The following RPAP1 variants were observed in gnomAD, a reference collection of about 807,000 sequenced individuals.
RPAP1 encodes RNA polymerase II-associated protein 1.
RPAP1 carries 109 observed loss-of-function variants against 142.4 expected under a neutral mutation model. The observed-to-expected ratio is 0.77, with a 90% CI of 0.66 to 0.90. The LOEUF (loss-of-function observed/expected upper bound fraction) is 0.90, where lower values mean the gene tolerates loss of function less well. RPAP1 is among the 40% of genes least tolerant of loss of function. The pLI is 0.00. For synonymous variants in RPAP1, 704 were observed against 738.9 expected (o/e 0.95, Z 0.77); for missense variants, 1,546 against 1,751.7 (o/e 0.88, Z 2.10).
chr15:41,541,510 T>C (rs2140794390), intron 1 of RPAP1, among the ~76,000 whole-genome samples: 1 of 149,102 alleles, frequency 6.7e-6, no homozygotes, highest in East Asian at 2.0e-4. Context: ...TGAAGGAGGA[T>C]GAGATGGAGA....
chr15:41,542,647 T>A (rs2051981146), intron 1 of RPAP1, among the ~76,000 whole-genome samples: 1 of 152,234 alleles, frequency 6.6e-6, no homozygotes, highest in Non-Finnish European at 1.5e-5. Context: ...CTCTGCCATT[T>A]ACTAACTGTG....
At chr15:41,528,408 C>T (rs1380511369) in intron 9 of RPAP1, 72 bp from the exon 10 acceptor site, 1 of 1,036,104 alleles carries the variant, frequency 9.7e-7, no homozygotes, top group East Asian at 2.6e-5. Context: ...AGCAAGGTAT[C>T]ACAGGAAAGA....
chr15:41,525,224 T>C (rs1361482279), intron 14 of RPAP1, 76 bp from the exon 15 acceptor site: 16 of 1,378,644 alleles, frequency 1.2e-5, no homozygotes, highest in Non-Finnish European at 1.6e-5. Flanking sequence ...GGACAGAGAG[T>C]GGCTTAACTC....
Position 41,529,457 on chromosome 15 carries a change from TC to T in RPAP1, c.1158+12del. The T allele has an allele frequency of 6.3e-7, 1 of 1,587,428 alleles. No individual in the cohort carries two copies. Among genetic ancestry groups the T allele is most frequent in the Non-Finnish European group, 8.6e-7 (1 of 1,158,098 alleles). ...AAAAGAGCTGCCCCATCCTCTCCAG[TC>T]CCATGCCTCACCTCTGCCTCCTCTC... On this transcript the variant is annotated intron_variant, in intron 9 of 24. Transcript: ENST00000304330.
At chr15:41,542,552 T>C (rs958807127) in intron 1 of RPAP1, among the ~76,000 whole-genome samples, 2 of 152,242 alleles carry the variant, frequency 1.3e-5, no homozygotes, top group Admixed American at 6.5e-5. Context: ...ATTTGTAGCA[T>C]GACAACAGCG....
At chr15:41,534,583 CA>C (rs764568682) in intron 6 of RPAP1, 130 bp downstream of exon 6, 27,932 of 178,324 alleles carry the variant, frequency 0.16, 1 homozygote, top group South Asian at 0.19. Context: ...AAGACCATCT[CA>C]AAAAAAAAAA....
Position 41,520,717 on chromosome 15 carries a change from C to T in RPAP1, c.3469G>A (p.Ala1157Thr). 1 of 1,614,026 alleles carries T rather than the reference C, an allele frequency of 6.2e-7. No homozygotes were observed. Among genetic ancestry groups the T allele is most frequent in the Non-Finnish European group, 8.5e-7 (1 of 1,180,018 alleles). ...LWAVPPAARLARLMCVFLVDS... is the reference protein window; with the variant it reads ...LWAVPPAARLTRLMCVFLVDS... The stretch of plus-strand genomic sequence containing the variant: ...ACCAGGAACACACACATGAGCCGTG[C>T]CAGGCGGGCAGCAGGGGGCACAGCC... Residue 1157 changes from alanine (A) to threonine (T), a missense_variant, in exon 22 of 25, where the codon GCA (alanine) becomes ACA (threonine). Ala to Thr is a moderately conservative substitution (Grantham distance 58). Coordinates refer to ENST00000304330, the MANE Select transcript of RPAP1 (RefSeq NM_015540.4).
chr15:41,527,322 C>T, intron 12 of RPAP1, 21 bp from the exon 13 acceptor site: 1 of 1,613,968 alleles, frequency 6.2e-7, no homozygotes, highest in Middle Eastern at 1.7e-4. Context: ...GAGAGAGAAA[C>T]CCACTGACAA....
chr15:41,522,352 G>GC, intron 19 of RPAP1, 102 bp from the exon 20 acceptor site: 1 of 1,144,386 alleles, frequency 8.7e-7, no homozygotes, highest in Non-Finnish European at 1.2e-6. Flanking sequence ...ATGAGTGCCA[G>GC]CAGAAGGCCT....
In RPAP1 at chr15:41,522,853, G is replaced by C. The variant is rs199573272; in HGVS notation, c.2654C>G (p.Ala885Gly). ...GAATGGGAAGGGTGAGGCTGAGCCA[G>C]CCAGACTGAGACGGGGGCAGCCTCC... Reference protein sequence around the residue: ...CSGGCPRLSLAGSASPFPFLT... With the variant: ...CSGGCPRLSLGGSASPFPFLT... The change falls in exon 19 of 25, where the codon GCT becomes GGT. Residue 885 changes from alanine to glycine, a missense_variant. Ala to Gly is a moderately conservative substitution (Grantham distance 60). This residue lies in a region of RPAP1 where 1,333 missense variants were observed against 1,486.6 expected (regional missense o/e 0.90). Coordinates refer to ENST00000304330, the MANE Select transcript of RPAP1 (RefSeq NM_015540.4). The C allele has an allele frequency of 5.1e-6, 8 of 1,583,690 alleles. No individual in the cohort carries two copies. In the African/African-American group the frequency reaches 9.6e-5, roughly 19 times the overall value.
chr15:41,528,517 G>A lies in RPAP1; in HGVS notation c.1159-181C>T, dbSNP rs1276441905. On this transcript the variant is annotated intron_variant, in intron 9 of 24. Coordinates refer to ENST00000304330, the MANE Select transcript of RPAP1 (RefSeq NM_015540.4). ...GTAACCATGCCATGAGGCAGATGCA[G>A]AGGAACGTGATAACTGATGTTTAAT... Among the ~76,000 whole-genome samples, 4 of 152,336 alleles carry A rather than the reference G, an allele frequency of 2.6e-5. No homozygotes were observed. The East Asian group carries it at 7.7e-4, about 29-fold the overall frequency.
In RPAP1 at chr15:41,520,656, T is replaced by C. The variant is rs765586157; in HGVS notation, c.3530A>G (p.His1177Arg). The C allele has an allele frequency of 4.3e-6, 7 of 1,614,144 alleles. No individual in the cohort carries two copies. Among genetic ancestry groups the C allele is most frequent in the South Asian group, 1.1e-5 (1 of 91,080 alleles). The change falls in exon 22 of 25, where the codon CAT becomes CGT. Residue 1177 changes from histidine to arginine, a missense_variant. Physicochemically the swap from His to Arg is conservative, Grantham distance 29. Around this residue, in one of 3 missense-constraint regions of RPAP1, gnomAD observed 1,333 missense variants for 1,486.6 expected, o/e 0.90. Coordinates refer to ENST00000304330, the MANE Select transcript of RPAP1 (RefSeq NM_015540.4). ...CTGGGCGAGGAGGGCTGCCACCAGA[T>C]GCTGTACTGGGGACTCCCGGAACAG... is the stretch of plus-strand genomic sequence containing the variant. ...SELFRESPVQ[H>R]LVAALLAQLC...
rs765364788 is a variant in RPAP1, at chr15:41,521,030, G to T, written c.3156C>A (p.Leu1052=). 1 of 1,599,472 alleles carries T rather than the reference G, an allele frequency of 6.3e-7. No homozygotes were observed. The highest frequency in any genetic ancestry group is 1.1e-5 in the South Asian group (1 of 87,754). Residue 1052 remains leucine, a synonymous_variant, in exon 22 of 25, where the codon CTC becomes CTA. Coordinates refer to ENST00000304330, the MANE Select transcript of RPAP1 (RefSeq NM_015540.4). ...TCAGGTAGCAGTTGCGGATGCTGGG[G>T]AGGTCCTGGCAGGCCTGAGCCAGCA... The part of the protein sequence containing the change: ...GTLLAQACQD[L]PSIRNCYLTH...
intron 7 of RPAP1, among the ~76,000 whole-genome samples, chr15:41,530,782 C>A (rs560941609): frequency 9.8e-5 from 15 of 152,290 alleles, no homozygotes; most frequent in African/African-American, 3.6e-4. Flanking sequence ...AGCCATCACG[C>A]ATTGCTGCCT....
At position 41,521,609 on chromosome 15, in the gene RPAP1, G is replaced by C. The variant is rs1308486489; in HGVS notation, c.3038+129C>G. 2.9e-6 allele frequency: 3 copies of C among 1,034,510 alleles called. No homozygotes were observed. The East Asian group carries it at 7.9e-5, about 27-fold the overall frequency. 64.1% of individuals were successfully genotyped at this position (1,034,510 alleles called of 1,614,324 possible). On this transcript the variant is annotated intron_variant, in intron 21 of 24. Coordinates refer to ENST00000304330, the MANE Select transcript of RPAP1 (RefSeq NM_015540.4). ...TTCACTAATGAGGTAATGGAAGCTC[G>C]GAAGAGTTAAGTGTCGTCGGTGGAA... is the stretch of plus-strand genomic sequence containing the variant.
intron 3 of RPAP1, 104 bp downstream of exon 3, chr15:41,536,397 A>G: frequency 6.7e-7 from 1 of 1,481,950 alleles, no homozygotes; most frequent in Non-Finnish European, 9.3e-7. Flanking sequence ...GTAAAAGTCT[A>G]CCTTTCTGAA....
Position 41,517,622 on chromosome 15 carries a change from A to G in RPAP1, c.4102T>C (p.Ser1368Pro). The change falls in exon 25 of 25, where the codon TCT becomes CCT. Residue 1368 changes from serine to proline, a missense_variant. Ser to Pro is a moderately conservative substitution (Grantham distance 74). Transcript: ENST00000304330. ...TGCTGACGCAGAGGGGGCAACTGAG[A>G]ATAGAGCTCAAAGCCCTCTGGGAGC... ...STLPEGFELY[S>P]QLPPLRQHYL... The G allele has an allele frequency of 6.2e-7, 1 of 1,612,282 alleles. No homozygotes were observed. The highest frequency in any genetic ancestry group is 8.5e-7 in the Non-Finnish European group (1 of 1,179,006).
intron 18 of RPAP1, 76 bp downstream of exon 18, chr15:41,523,169 G>T: frequency 8.8e-7 from 1 of 1,138,820 alleles, no homozygotes; most frequent in Non-Finnish European, 1.3e-6. Context: ...GGACCTGGGA[G>T]CTGGACCCAG....
At chr15:41,542,564 A>G (rs528422455) in intron 1 of RPAP1, among the ~76,000 whole-genome samples, 1 of 152,348 alleles carries the variant, frequency 6.6e-6, no homozygotes, top group South Asian at 2.1e-4. Context: ...ACAACAGCGA[A>G]GTATACAGAT....
Sources: allele counts gnomAD v4.1 joint callset (sites outside exome capture counted in the v4.1 genomes callset), GRCh38; gene constraint gnomAD v4.1.1; regional missense constraint gnomAD v4.1.1; transcripts MANE v1.5; gene names NCBI Gene and HGNC (gene_info 2026-07-23, HGNC 2026-07-21).